Variants in SLC35F3 observed in about 807,000 individuals in gnomAD.
SLC35F3 encodes the protein putative thiamine transporter SLC35F3.
Under a neutral mutation model 49.9 loss-of-function variants are expected in SLC35F3, and 25 were observed. The ratio of observed to expected loss-of-function variants is 0.50; its 90% CI spans 0.37 to 0.70. The LOEUF is 0.70. SLC35F3 is among the 30% of genes least tolerant of loss of function. The pLI, the probability that SLC35F3 is intolerant of heterozygous loss-of-function variation, is 0.00. For synonymous variants in SLC35F3, 275 were observed against 265.4 expected (o/e 1.04, Z -0.35); for missense variants, 525 against 639.8 (o/e 0.82, Z 1.94).
intron 2 of SLC35F3, among the ~76,000 whole-genome samples, chr1:234,105,749 A>G (rs974749078): frequency 1.3e-5 from 2 of 152,196 alleles, no homozygotes; most frequent in Non-Finnish European, 2.9e-5. Flanking sequence ...GATTGTATTG[A>G]TGTTCACAAA....
chr1:234,006,061 A>G (rs563505850), intron 2 of SLC35F3, among the ~76,000 whole-genome samples: 2 of 152,284 alleles, frequency 1.3e-5, no homozygotes, highest in South Asian at 4.2e-4. Context: ...TTCAGAAGAA[A>G]CAGAATTAAA....
chr1:233,981,340 A>G (rs1360472077), intron 2 of SLC35F3, among the ~76,000 whole-genome samples: 1 of 152,164 alleles, frequency 6.6e-6, no homozygotes, highest in Non-Finnish European at 1.5e-5. Flanking sequence ...CTAACCCTAC[A>G]CAATCACTAA....
intron 2 of SLC35F3, among the ~76,000 whole-genome samples, chr1:234,038,208 G>T (rs898856192): frequency 1.3e-5 from 2 of 148,612 alleles, no homozygotes; most frequent in African/African-American, 5.0e-5. Context: ...GTGAGAACAT[G>T]TGGTGTTTGG....
intron 2 of SLC35F3, among the ~76,000 whole-genome samples, chr1:234,066,801 GTCTC>G: frequency 1.0e-5 from 1 of 95,336 alleles, no homozygotes; most frequent in South Asian, 3.3e-4. Flanking sequence ...CTCTCCCTTT[GTCTC>G]TCTCTGTCTC....
intron 2 of SLC35F3, among the ~76,000 whole-genome samples, chr1:234,103,293 T>C (rs577083345): frequency 7.4e-4 from 112 of 152,250 alleles, no homozygotes; most frequent in African/African-American, 2.6e-3. Flanking sequence ...GGCAATTTCA[T>C]TATTATTCAT....
intron 2 of SLC35F3, among the ~76,000 whole-genome samples, chr1:234,055,583 T>C (rs1436463106): frequency 1.3e-5 from 2 of 152,218 alleles, no homozygotes; most frequent in Non-Finnish European, 2.9e-5. Context: ...GGAAAGGGAA[T>C]TCCTCAACCC....
At chr1:234,152,379 C>T (rs560607776) in intron 2 of SLC35F3, among the ~76,000 whole-genome samples, 1 of 152,196 alleles carries the variant, frequency 6.6e-6, no homozygotes, top group South Asian at 2.1e-4. Context: ...TGCTATCTCT[C>T]CCCTAGCCTC....
intron 2 of SLC35F3, among the ~76,000 whole-genome samples, chr1:234,125,450 G>A (rs902553634): frequency 9.2e-5 from 14 of 152,066 alleles, no homozygotes. Context: ...TTGAGTTCAC[G>A]TACTCAAGTA....
At chr1:233,977,792 T>G (rs982945251) in intron 2 of SLC35F3, among the ~76,000 whole-genome samples, 1 of 152,158 alleles carries the variant, frequency 6.6e-6, no homozygotes, top group African/African-American at 2.4e-5. Context: ...GCGCTCAAGA[T>G]GCAGATACAA....
At chr1:233,959,202 G>A (rs972920945) in intron 2 of SLC35F3, among the ~76,000 whole-genome samples, 25 of 151,550 alleles carry the variant, frequency 1.6e-4, no homozygotes, top group African/African-American at 5.1e-4. Context: ...ATAAAGTAGC[G>A]TACAGTAGTC....
chr1:233,999,104 T>A lies in SLC35F3; in HGVS notation c.283+93346T>A, dbSNP rs72753796. On this transcript the variant is annotated intron_variant, in intron 2 of 7. Transcript: ENST00000366618. ...TTAGGGATCTGGATATGACTGTCAG[T>A]TCCTGGCCTCAAGCTGGGAAGACAA... Among the ~76,000 whole-genome samples the A allele has an allele frequency of 1.2e-3, 189 of 152,258 alleles. 1 individual carries two copies. The highest frequency in any genetic ancestry group is 2.0e-3 in the Non-Finnish European group (137 of 68,026).
chr1:233,947,111 A>C (rs774965486), intron 2 of SLC35F3, among the ~76,000 whole-genome samples: 138 of 152,252 alleles, frequency 9.1e-4, no homozygotes, highest in Non-Finnish European at 1.6e-3. Flanking sequence ...TAAAATTAGG[A>C]TTTCTGGGTA....
intron 2 of SLC35F3, among the ~76,000 whole-genome samples, chr1:234,227,678 G>T (rs909088066): frequency 2.6e-5 from 4 of 152,054 alleles, no homozygotes; most frequent in Non-Finnish European, 4.4e-5. Context: ...GATTACAGGC[G>T]TGAGCCACCG....
chr1:234,038,054 C>CATA (rs1307053518), intron 2 of SLC35F3, among the ~76,000 whole-genome samples: 1 of 151,728 alleles, frequency 6.6e-6, no homozygotes, highest in African/African-American at 2.4e-5. Flanking sequence ...TGTTGGGGTG[C>CATA]TGCACCCATT....
intron 2 of SLC35F3, among the ~76,000 whole-genome samples, chr1:234,123,184 C>T (rs1423396012): frequency 6.6e-6 from 1 of 152,114 alleles, no homozygotes; most frequent in Non-Finnish European, 1.5e-5. Context: ...GAGGGTATCT[C>T]ATTGTGGTTT....
At chr1:233,975,378 G>A (rs968887173) in intron 2 of SLC35F3, among the ~76,000 whole-genome samples, 1 of 152,228 alleles carries the variant, frequency 6.6e-6, no homozygotes, top group Non-Finnish European at 1.5e-5. Flanking sequence ...GAGCCCTTAG[G>A]GGACCTTGGA....
At chr1:234,298,099 G>C (rs548417225) in intron 3 of SLC35F3, among the ~76,000 whole-genome samples, 1 of 152,146 alleles carries the variant, frequency 6.6e-6, no homozygotes, top group South Asian at 2.1e-4. Flanking sequence ...CATTAAATAT[G>C]CACTGCCTTT....
chr1:233,910,214 C>G (rs539064811), intron 2 of SLC35F3, among the ~76,000 whole-genome samples: 1 of 152,298 alleles, frequency 6.6e-6, no homozygotes, highest in African/African-American at 2.4e-5. Context: ...CTTCCTTTTC[C>G]TTTCTCATTT....
chr1:233,994,074 C>G (rs1663415985), intron 2 of SLC35F3, among the ~76,000 whole-genome samples: 1 of 152,154 alleles, frequency 6.6e-6, no homozygotes. Flanking sequence ...AGTCAAAGGC[C>G]AAGTTCCTGA....
Sources: gnomAD v4.1 joint callset for allele counts (sites outside exome capture counted in the v4.1 genomes callset) on GRCh38, gnomAD v4.1.1 for gene constraint, MANE v1.5 for transcripts, NCBI Gene and HGNC (gene_info 2026-07-23, HGNC 2026-07-21) for gene names.